Variants in PEBP4 observed in about 807,000 individuals in gnomAD.
The protein encoded by PEBP4 is phosphatidylethanolamine binding protein 4, also known as phosphatidylethanolamine-binding protein 4.
A neutral mutation model predicts 23.9 loss-of-function variants in PEBP4; 22 were observed. The observed-to-expected ratio is 0.92, with a 90% CI of 0.66 to 1.31. The LOEUF is 1.31. Ranked by LOEUF, PEBP4 falls within the 40% of genes most tolerant of loss-of-function variation. The pLI is 0.00. For synonymous variants in PEBP4, 112 were observed against 99.3 expected (o/e 1.13, Z -0.76); for missense variants, 324 against 281.7 (o/e 1.15, Z -1.07).
chr8:22,847,021 A>G (rs1200529728), intron 3 of PEBP4, among the ~76,000 whole-genome samples: 3 of 152,314 alleles, frequency 2.0e-5, no homozygotes, highest in East Asian at 3.9e-4. Flanking sequence ...AAAAATAAAA[A>G]AAAAGGGGAT....
intron 4 of PEBP4, among the ~76,000 whole-genome samples, chr8:22,732,598 T>G (rs967024628): frequency 1.3e-5 from 2 of 151,662 alleles, no homozygotes; most frequent in African/African-American, 4.8e-5. Context: ...AGAAAAAGAA[T>G]AGTAGTCACT....
At chr8:22,730,198 C>T (rs1366134647) in intron 4 of PEBP4, among the ~76,000 whole-genome samples, 1 of 152,140 alleles carries the variant, frequency 6.6e-6, no homozygotes, top group Non-Finnish European at 1.5e-5. Flanking sequence ...GCTGGAGCTG[C>T]GGTGAAAATG....
At position 22,773,139 on chromosome 8, in the gene PEBP4, A is replaced by G. The variant is rs966854278; in HGVS notation, c.357+44498T>C. Among the ~76,000 whole-genome samples the G allele has an allele frequency of 2.6e-5, 4 of 151,940 alleles. No homozygotes were observed. The South Asian group carries it at 8.3e-4, about 32-fold the overall frequency. On this transcript the variant is annotated intron_variant, in intron 4 of 6. Transcript: ENST00000256404. The stretch of plus-strand genomic sequence containing the variant: ...ATTTCTTCACAGTATGACAGACACC[A>G]GCTCTGGAAAACACATAGAGATAAA...
At chr8:22,740,015 C>T (rs1375408098) in intron 4 of PEBP4, among the ~76,000 whole-genome samples, 6 of 152,170 alleles carry the variant, frequency 3.9e-5, no homozygotes, top group Non-Finnish European at 8.8e-5. Flanking sequence ...TGCTTTGTCT[C>T]CCTCCTTTGC....
At chr8:22,924,567 G>A (rs1240082914) in intron 2 of PEBP4, 3 of 712,376 alleles carry the variant, frequency 4.2e-6, no homozygotes, top group Non-Finnish European at 5.2e-6. Context: ...AACAGGTAGG[G>A]TTGGTGTTCA....
intron 3 of PEBP4, among the ~76,000 whole-genome samples, chr8:22,825,694 A>G (rs1274348674): frequency 1.3e-5 from 2 of 152,142 alleles, no homozygotes; most frequent in Non-Finnish European, 2.9e-5. Context: ...TAAAAATAAG[A>G]CTGCTTATAT....
chr8:22,925,849 C>G (rs945107618), intron 2 of PEBP4, among the ~76,000 whole-genome samples: 1 of 152,192 alleles, frequency 6.6e-6, no homozygotes, highest in Non-Finnish European at 1.5e-5. Context: ...GAGCGAGAAG[C>G]CTGCCAGCCC....
chr8:22,846,444 G>A (rs1029344684), intron 3 of PEBP4, among the ~76,000 whole-genome samples: 15 of 152,116 alleles, frequency 9.9e-5, no homozygotes, highest in African/African-American at 3.6e-4. Context: ...TCATGGGATC[G>A]TCATCACCCC....
At chr8:22,828,335 A>G (rs1434173336) in intron 3 of PEBP4, among the ~76,000 whole-genome samples, 1 of 152,146 alleles carries the variant, frequency 6.6e-6, no homozygotes, top group Non-Finnish European at 1.5e-5. Context: ...CTTCCCAGCC[A>G]TCGGTCCTCA....
intron 4 of PEBP4, among the ~76,000 whole-genome samples, chr8:22,732,634 TTGTGTGTGTGTGTGTG>T (rs61376190): frequency 1.3e-5 from 2 of 149,120 alleles, no homozygotes; most frequent in Non-Finnish European, 3.0e-5. Flanking sequence ...CTGGCCCCAT[TTGTGTGTGTGTGTGTG>T]TGTGTGTGTG....
chr8:22,920,755 G>A (rs147192582), intron 2 of PEBP4, among the ~76,000 whole-genome samples: 9 of 152,322 alleles, frequency 5.9e-5, no homozygotes, highest in African/African-American at 2.2e-4. Flanking sequence ...TAGCAAGTCA[G>A]CACAGCTTCC....
chr8:22,903,691 G>T (rs1181589838), intron 3 of PEBP4, among the ~76,000 whole-genome samples: 1 of 151,394 alleles, frequency 6.6e-6, no homozygotes, highest in South Asian at 2.1e-4. Flanking sequence ...TAGCTGCCTC[G>T]ATCTATAAAT....
chr8:22,756,566 T>C (rs566998202), intron 4 of PEBP4, among the ~76,000 whole-genome samples: 2 of 152,200 alleles, frequency 1.3e-5, no homozygotes, highest in South Asian at 2.1e-4. Flanking sequence ...CTGGGGATGC[T>C]TGGGGAAGCA....
At chr8:22,879,363 C>A (rs1330136423) in intron 3 of PEBP4, 2 of 152,092 alleles carry the variant, frequency 1.3e-5, no homozygotes, top group Non-Finnish European at 2.9e-5. Context: ...ATGGGACCTG[C>A]CGAAAAAAGG....
At chr8:22,729,818 C>A (rs1804696226) in intron 4 of PEBP4, among the ~76,000 whole-genome samples, 1 of 152,186 alleles carries the variant, frequency 6.6e-6, no homozygotes. Context: ...AGGAGTAAAT[C>A]AGAAGCTGTG....
chr8:22,805,041 C>G (rs1453717549), intron 4 of PEBP4, among the ~76,000 whole-genome samples: 6 of 152,204 alleles, frequency 3.9e-5, no homozygotes, highest in Admixed American at 2.0e-4. Context: ...GGACTCAACT[C>G]CATCCTAACA....
chr8:22,925,679 A>C lies in PEBP4; in HGVS notation c.131+1905T>G, dbSNP rs148547419. On this transcript the variant is annotated intron_variant, in intron 2 of 6. Coordinates refer to ENST00000256404, the MANE Select transcript of PEBP4 (RefSeq NM_144962.3). ...GGGCATCTGGAGCCTCAGGCTGGTC[A>C]CCCCCAATGACCCTACAGACATCCT... 6.0e-3 allele frequency among the ~76,000 whole-genome samples: 907 copies of C among 152,096 alleles called. 6 individuals carry two copies. Among genetic ancestry groups the C allele is most frequent in the African/African-American group, 7.2e-3 (300 of 41,500 alleles).
chr8:22,932,061 T>C (rs946735706), upstream of PEBP4, among the ~76,000 whole-genome samples: 1 of 152,264 alleles, frequency 6.6e-6, no homozygotes, highest in African/African-American at 2.4e-5. Context: ...CTCAGTATCC[T>C]GTGCCTTCTA....
intron 4 of PEBP4, among the ~76,000 whole-genome samples, chr8:22,750,554 G>A (rs1267756673): frequency 6.6e-6 from 1 of 152,202 alleles, no homozygotes; most frequent in Non-Finnish European, 1.5e-5. Context: ...TGCTTTTTAG[G>A]TACTTGTTGA....
Sources: allele counts gnomAD v4.1 joint callset (sites outside exome capture counted in the v4.1 genomes callset), GRCh38; gene constraint gnomAD v4.1.1; transcripts MANE v1.5; gene names NCBI Gene and HGNC (gene_info 2026-07-23, HGNC 2026-07-21).